ARHGAP24: variants seen among roughly 807,000 people sequenced by gnomAD.
The protein encoded by ARHGAP24 is rho GTPase-activating protein 24.
ARHGAP24 carries 50 observed loss-of-function variants against 76.4 expected under a neutral mutation model. That is an observed-to-expected ratio of 0.65 (90% CI 0.52 to 0.83). ARHGAP24 has a LOEUF of 0.83. Among genes scored for constraint, ARHGAP24 ranks in the 40% least tolerant of loss-of-function variants. The probability of loss-of-function intolerance (pLI) is 0.00; values close to 1 mark genes in which losing one functional copy is unlikely to be tolerated. For missense variants in ARHGAP24, 930 were observed against 914.2 expected (o/e 1.02, Z -0.22); for synonymous variants, 345 against 323.3 (o/e 1.07, Z -0.72).
At chr4:85,915,669 T>C (rs1735346170) in intron 3 of ARHGAP24, among the ~76,000 whole-genome samples, 1 of 151,142 alleles carries the variant, frequency 6.6e-6, no homozygotes, top group South Asian at 2.1e-4. Flanking sequence ...GAACACGTGG[T>C]GTTTGATTTT....
intron 3 of ARHGAP24, among the ~76,000 whole-genome samples, chr4:85,795,689 G>A (rs1157719412): frequency 6.6e-6 from 1 of 151,864 alleles, no homozygotes; most frequent in African/African-American, 2.4e-5. Flanking sequence ...CACAATTTAT[G>A]TCTCTTCCTC....
intron 2 of ARHGAP24, among the ~76,000 whole-genome samples, chr4:85,654,304 A>G (rs947361514): frequency 4.5e-4 from 68 of 152,226 alleles, no homozygotes; most frequent in African/African-American, 1.6e-3. Context: ...GACCCAGTCC[A>G]TTTGGATTTG....
At chr4:85,821,722 T>A (rs937454802) in intron 3 of ARHGAP24, among the ~76,000 whole-genome samples, 2 of 152,156 alleles carry the variant, frequency 1.3e-5, no homozygotes, top group Non-Finnish European at 2.9e-5. Context: ...ATTAATTTTT[T>A]AATTAGTTTT....
At chr4:85,665,019 G>A (rs927467638) in intron 2 of ARHGAP24, among the ~76,000 whole-genome samples, 5 of 152,206 alleles carry the variant, frequency 3.3e-5, no homozygotes, top group Non-Finnish European at 5.9e-5. Flanking sequence ...TTCTGTCGAT[G>A]TCTATTAGGT....
intron 2 of ARHGAP24, among the ~76,000 whole-genome samples, chr4:85,711,351 C>T (rs1396710598): frequency 1.3e-5 from 2 of 151,986 alleles, no homozygotes; most frequent in African/African-American, 2.4e-5. Context: ...ATGACAAACC[C>T]GGACACGTAC....
chr4:85,740,755 C>G (rs923013415), intron 3 of ARHGAP24, among the ~76,000 whole-genome samples: 1 of 152,034 alleles, frequency 6.6e-6, no homozygotes, highest in African/African-American at 2.4e-5. Flanking sequence ...TTTTTGTAAC[C>G]CATGGCTTAT....
chr4:85,834,492 T>G (rs1730162353), intron 3 of ARHGAP24, among the ~76,000 whole-genome samples: 1 of 152,144 alleles, frequency 6.6e-6, no homozygotes, highest in Admixed American at 6.5e-5. Flanking sequence ...CCCCTGAAAA[T>G]GAGACAGAAA....
At chr4:85,985,205 C>G (rs1282238130) in intron 8 of ARHGAP24, among the ~76,000 whole-genome samples, 1 of 152,114 alleles carries the variant, frequency 6.6e-6, no homozygotes, top group Non-Finnish European at 1.5e-5. Context: ...CAGCACTGTT[C>G]ACAATAGCAA....
chr4:85,903,089 GA>G (rs1353411972), intron 3 of ARHGAP24, among the ~76,000 whole-genome samples: 1 of 152,154 alleles, frequency 6.6e-6, no homozygotes, highest in Non-Finnish European at 1.5e-5. Context: ...AATGGAATTG[GA>G]AAATATTTCT....
chr4:85,643,162 C>G (rs1324518640), intron 2 of ARHGAP24, among the ~76,000 whole-genome samples: 1 of 151,530 alleles, frequency 6.6e-6, no homozygotes, highest in Non-Finnish European at 1.5e-5. Context: ...AAATTGCAAA[C>G]TGGACTCTCC....
At position 85,995,196 on chromosome 4, in the gene ARHGAP24, C is replaced by CAAG; in HGVS notation, c.1543_1545dup (p.Lys515dup). 6.2e-7 allele frequency: 1 copy of CAAG among 1,613,956 alleles called. No homozygotes were observed. Among genetic ancestry groups the CAAG allele is most frequent in the Non-Finnish European group, 8.5e-7 (1 of 1,180,016 alleles). ...ATGGCTATGTGACCCTGAGGGATAA[C>CAAG]AAGCAGAAAGAACAAGCTGGAGAGT... On this transcript the variant is annotated inframe_insertion, in exon 9 of 10. Coordinates refer to ENST00000395184, the MANE Select transcript of ARHGAP24 (RefSeq NM_001025616.3).
chr4:85,974,407 G>A (rs1181919974), intron 6 of ARHGAP24, among the ~76,000 whole-genome samples: 1 of 152,030 alleles, frequency 6.6e-6, no homozygotes, highest in Non-Finnish European at 1.5e-5. Flanking sequence ...AAATAAATTC[G>A]TCCCTTGTGA....
At chr4:85,478,996 C>G (rs1282436527) in intron 1 of ARHGAP24, among the ~76,000 whole-genome samples, 1 of 152,180 alleles carries the variant, frequency 6.6e-6, no homozygotes, top group Non-Finnish European at 1.5e-5. Context: ...AATTCAAGCC[C>G]CCAGCCCAGT....
At chr4:85,496,181 C>T (rs755454111) in intron 1 of ARHGAP24, among the ~76,000 whole-genome samples, 1 of 152,078 alleles carries the variant, frequency 6.6e-6, no homozygotes, top group Non-Finnish European at 1.5e-5. Context: ...TTAGAGTTAC[C>T]GGGAACCATG....
At chr4:85,752,665 G>GT (rs1305782875) in intron 3 of ARHGAP24, among the ~76,000 whole-genome samples, 1 of 152,140 alleles carries the variant, frequency 6.6e-6, no homozygotes, top group African/African-American at 2.4e-5. Flanking sequence ...CCTGACACTG[G>GT]TACTTGTACC....
At chr4:85,893,769 C>G (rs563601083) in intron 3 of ARHGAP24, among the ~76,000 whole-genome samples, 15 of 151,574 alleles carry the variant, frequency 9.9e-5, no homozygotes, top group African/African-American at 3.4e-4. Context: ...GGTAACCGGA[C>G]CTTTCTCTCT....
chr4:85,874,896 T>TA (rs1732763823), intron 3 of ARHGAP24, among the ~76,000 whole-genome samples: 1 of 108,680 alleles, frequency 9.2e-6, no homozygotes, highest in African/African-American at 3.8e-5. Flanking sequence ...AAATATATTT[T>TA]ATATAATTTA....
At chr4:85,545,195 G>A (rs1725872128) in intron 1 of ARHGAP24, among the ~76,000 whole-genome samples, 1 of 151,994 alleles carries the variant, frequency 6.6e-6, no homozygotes, top group Non-Finnish European at 1.5e-5. Flanking sequence ...CGCCTCGTGG[G>A]TTCAAGCGAT....
At chr4:85,514,885 C>G (rs992072531) in intron 1 of ARHGAP24, among the ~76,000 whole-genome samples, 2 of 143,334 alleles carry the variant, frequency 1.4e-5, no homozygotes, top group South Asian at 4.4e-4. Context: ...CAAGAGCAGA[C>G]CCTGAGACAA....
Sources: allele counts gnomAD v4.1 joint callset (sites outside exome capture counted in the v4.1 genomes callset), GRCh38; gene constraint gnomAD v4.1.1; transcripts MANE v1.5; gene names NCBI Gene and HGNC (gene_info 2026-07-23, HGNC 2026-07-21).